Variants in PPFIA1 observed in about 807,000 individuals in gnomAD.
The protein encoded by PPFIA1 is liprin-alpha-1.
Under a neutral mutation model 149.9 loss-of-function variants are expected in PPFIA1, and 25 were observed. That is an observed-to-expected ratio of 0.17 (90% confidence interval 0.12 to 0.23). The LOEUF (loss-of-function observed/expected upper bound fraction) is 0.23. Ranked by LOEUF, PPFIA1 falls within the 10% of genes least tolerant of loss-of-function variation. The pLI is 1.00. For synonymous variants in PPFIA1, 549 were observed against 552.8 expected (o/e 0.99, Z 0.10); for missense variants, 1,362 against 1,506.5 (o/e 0.90, Z 1.59).
chr11:70,378,444 T>C, intron 26 of PPFIA1: 4 of 1,219,194 alleles, frequency 3.3e-6, no homozygotes, highest in Non-Finnish European at 4.1e-6. Flanking sequence ...CTAATAAAGC[T>C]CAGTATTCGT....
At chr11:70,342,088 G>C (rs973394913) in intron 14 of PPFIA1, 1 of 152,742 alleles carries the variant, frequency 6.5e-6, no homozygotes, top group Admixed American at 6.5e-5. Flanking sequence ...GGTGAAAGGA[G>C]ACCCGCCCGG....
chr11:70,296,354 G>C (rs1191945394), intron 2 of PPFIA1, among the ~76,000 whole-genome samples: 1 of 152,034 alleles, frequency 6.6e-6, no homozygotes, highest in Non-Finnish European at 1.5e-5. Context: ...AGGTTGTAGC[G>C]AGCCGAGATC....
At chr11:70,313,321 T>G (rs2053406173) in intron 2 of PPFIA1, among the ~76,000 whole-genome samples, 1 of 152,076 alleles carries the variant, frequency 6.6e-6, no homozygotes, top group Non-Finnish European at 1.5e-5. Flanking sequence ...GACTTCTCAT[T>G]TGGGTTAGAA....
intron 21 of PPFIA1, 34 bp from the exon 22 acceptor site, chr11:70,372,181 T>C: frequency 6.4e-7 from 1 of 1,569,470 alleles, no homozygotes; most frequent in Non-Finnish European, 8.6e-7. Flanking sequence ...TGAGACTTCC[T>C]CTGTAACTGA....
Position 70,376,569 on chromosome 11 carries a change from T to G in PPFIA1, c.3353T>G (p.Leu1118Trp), listed in dbSNP as rs1402215779. The change falls in exon 25 of 28, where the codon TTG becomes TGG. Residue 1118 changes from leucine (L) to tryptophan (W), a missense_variant. Around this residue, in one of 7 missense-constraint regions of PPFIA1, gnomAD observed 349 missense variants for 373.3 expected, o/e 0.93. Coordinates refer to ENST00000253925, the MANE Select transcript of PPFIA1 (RefSeq NM_003626.5). ...TTGGAAAGAGAATTTAACAACCTTT[T>G]GGTCATGGGGACTGATAGAAGGTTT... ...AVLEREFNNL[L>W]VMGTDRRFDE... The G allele has an allele frequency of 6.2e-7, 1 of 1,614,084 alleles. No individual in the cohort carries two copies. Among genetic ancestry groups the G allele is most frequent in the South Asian group, 1.1e-5 (1 of 91,090 alleles).
At chr11:70,277,479 T>C (rs1194204628) in intron 2 of PPFIA1, among the ~76,000 whole-genome samples, 1 of 151,970 alleles carries the variant, frequency 6.6e-6, no homozygotes, top group African/African-American at 2.4e-5. Flanking sequence ...ATTATATTTC[T>C]TGTTTTTTTT....
intron 7 of PPFIA1, among the ~76,000 whole-genome samples, chr11:70,329,189 G>T (rs1188850560): frequency 1.3e-5 from 2 of 152,190 alleles, no homozygotes; most frequent in Non-Finnish European, 2.9e-5. Context: ...TTTGTAGCGT[G>T]AGGCAGACGT....
chr11:70,348,297 C>T lies in PPFIA1; in HGVS notation c.2040C>T (p.Ser680=), dbSNP rs2055841203. The T allele has an allele frequency of 6.2e-7, 1 of 1,614,088 alleles. No individual in the cohort carries two copies. Among genetic ancestry groups the T allele is most frequent in the Non-Finnish European group, 8.5e-7 (1 of 1,180,034 alleles). The change falls in exon 16 of 28, where the codon TCC becomes TCT. Residue 680 remains serine, a synonymous_variant. Transcript: ENST00000253925. ...DNLGRFRSMS[S]IPPYPASSLA... ...TTGGTCGTTTTAGATCAATGAGCTC[C>T]ATTCCCCCCTACCCTGCTTCCTCGC...
chr11:70,374,878 T>C (rs763711974), intron 23 of PPFIA1, 40 bp from the exon 24 acceptor site: 2 of 1,593,424 alleles, frequency 1.3e-6, no homozygotes, highest in Non-Finnish European at 1.7e-6. Flanking sequence ...AAAGATGGCT[T>C]TCTGAAGCCA....
At position 70,272,163 on chromosome 11, in the gene PPFIA1, T is replaced by C; in HGVS notation, c.1-10T>C. Reference sequence around the variant, plus strand: ...GCTTAATTACTGTAGCCTGGGTCTTTCATTTCAAGATGATGTGCGAGGTGA... The same window carrying C: ...GCTTAATTACTGTAGCCTGGGTCTTCCATTTCAAGATGATGTGCGAGGTGA... On this transcript the variant is annotated splice_polypyrimidine_tract_variant and intron_variant, in intron 1 of 27. Coordinates refer to ENST00000253925, the MANE Select transcript of PPFIA1 (RefSeq NM_003626.5). The C allele has an allele frequency of 6.2e-7, 1 of 1,612,150 alleles. No individual in the cohort carries two copies. The highest frequency in any genetic ancestry group is 8.5e-7 in the Non-Finnish European group (1 of 1,179,570).
At chr11:70,330,113 A>G in intron 7 of PPFIA1, 60 bp from the exon 8 acceptor site, 5 of 1,437,000 alleles carry the variant, frequency 3.5e-6, no homozygotes, top group Non-Finnish European at 4.7e-6. Flanking sequence ...TCTCTTAAGT[A>G]TCTTAATGTG....
chr11:70,337,422 G>C lies in PPFIA1; in HGVS notation c.1486G>C (p.Asp496His). The C allele has an allele frequency of 6.3e-7, 1 of 1,591,204 alleles. No homozygotes were observed. The highest frequency in any genetic ancestry group is 8.6e-7 in the Non-Finnish European group (1 of 1,166,672). Residue 496 changes from aspartate to histidine, a missense_variant, in exon 12 of 28, where the codon GAT becomes CAT. This residue lies in a region of PPFIA1 where 733 missense variants were observed against 744.1 expected (regional missense o/e 0.99). Coordinates refer to ENST00000253925, the MANE Select transcript of PPFIA1 (RefSeq NM_003626.5). ...AKKQLEETQH[D>H]KDQLVLNIEA... ...AAAGCAGTTAGAAGAAACACAACACGATAAGGTACTGAAATCTTCTCTAAA... is the reference window on the plus strand; with the variant it reads ...AAAGCAGTTAGAAGAAACACAACACCATAAGGTACTGAAATCTTCTCTAAA...
intron 2 of PPFIA1, among the ~76,000 whole-genome samples, chr11:70,301,670 T>C (rs1192849220): frequency 6.6e-6 from 1 of 152,240 alleles, no homozygotes; most frequent in Non-Finnish European, 1.5e-5. Flanking sequence ...TAGGGGTACT[T>C]GTTCTTAAGC....
At chr11:70,279,722 G>GGTGTGT (rs71046599) in intron 2 of PPFIA1, among the ~76,000 whole-genome samples, 3,544 of 135,332 alleles carry the variant, frequency 0.026, 145 homozygotes, top group African/African-American at 0.079. Context: ...TATGTGTCTA[G>GGTGTGT]GTGTGTGTGT....
At position 70,372,215 on chromosome 11, in the gene PPFIA1, A is replaced by C. The variant is rs147198550; in HGVS notation, c.2866A>C (p.Thr956Pro). 3.4e-5 allele frequency: 54 copies of C among 1,599,870 alleles called. No homozygotes were observed. The Middle Eastern group carries it at 5.0e-4, about 15-fold the overall frequency. Residue 956 changes from threonine to proline, a missense_variant and splice_region_variant, in exon 22 of 28, where the codon ACA becomes CCA. Thr to Pro is a conservative substitution (Grantham distance 38). This residue lies in a region of PPFIA1 where 349 missense variants were observed against 373.3 expected (regional missense o/e 0.93). Transcript: ENST00000253925. Reference sequence around the variant, plus strand: ...GACCTTTTCCATTTATGAAAAGCAGACACTCGCCTATGGGGACATGAACCA... The same window carrying C: ...GACCTTTTCCATTTATGAAAAGCAGCCACTCGCCTATGGGGACATGAACCA... ...SPSAPPTSRT[T>P]LAYGDMNHEW... is the part of the protein sequence containing the mutation.
chr11:70,318,365 C>T (rs578169175), intron 2 of PPFIA1, among the ~76,000 whole-genome samples: 21 of 152,356 alleles, frequency 1.4e-4, no homozygotes, highest in Admixed American at 1.2e-3. Context: ...ACCCCGCACC[C>T]CATGTCGTCT....
intron 11 of PPFIA1, among the ~76,000 whole-genome samples, chr11:70,336,185 A>AC (rs1367314654): frequency 6.6e-6 from 1 of 151,794 alleles, no homozygotes; most frequent in Non-Finnish European, 1.5e-5. Flanking sequence ...CCCAACCCTC[A>AC]CCCCTTTATT....
intron 2 of PPFIA1, among the ~76,000 whole-genome samples, chr11:70,289,236 G>T (rs947154854): frequency 2.4e-4 from 37 of 152,020 alleles, no homozygotes; most frequent in Non-Finnish European, 4.6e-4. Context: ...CTCCCAAAGT[G>T]CTGGGATTGC....
In PPFIA1 at chr11:70,326,830, C is replaced by A. The variant is rs1458951658; in HGVS notation, c.930+12C>A. The A allele has an allele frequency of 1.9e-6, 3 of 1,597,780 alleles. No homozygotes were observed. Among genetic ancestry groups the A allele is most frequent in the South Asian group, 2.2e-5 (2 of 90,374 alleles). On this transcript the variant is annotated intron_variant, in intron 7 of 27. Coordinates refer to ENST00000253925, the MANE Select transcript of PPFIA1 (RefSeq NM_003626.5). ...GAGATGTCCGTGAAGTGAGCAATAACAAAAACTACAGTCTTGTCATGAAGT... is the reference window on the plus strand; with the variant it reads ...GAGATGTCCGTGAAGTGAGCAATAAAAAAAACTACAGTCTTGTCATGAAGT...
Sources: allele counts gnomAD v4.1 joint callset (sites outside exome capture counted in the v4.1 genomes callset), GRCh38; gene constraint gnomAD v4.1.1; regional missense constraint gnomAD v4.1.1; transcripts MANE v1.5; gene names NCBI Gene and HGNC (gene_info 2026-07-23, HGNC 2026-07-21).